The following TRPM6 variants were observed in gnomAD, a reference collection of about 807,000 sequenced individuals.
The protein encoded by TRPM6 is transient receptor potential cation channel subfamily M member 6, also known as channel kinase 2.
Under a neutral mutation model 247.6 loss-of-function variants are expected in TRPM6, and 111 were observed. That is an observed-to-expected ratio of 0.45 (90% CI 0.38 to 0.52). The LOEUF is 0.52. Among genes scored for constraint, TRPM6 ranks in the 20% least tolerant of loss-of-function variants. TRPM6 has a pLI of 0.00. For synonymous variants in TRPM6, 892 were observed against 853.8 expected (o/e 1.04, Z -0.78); for missense variants, 2,126 against 2,421.5 (o/e 0.88, Z 2.56).
chr9:74,884,104 G>T (rs1050176488), intron 1 of TRPM6, among the ~76,000 whole-genome samples: 4 of 152,136 alleles, frequency 2.6e-5, no homozygotes, highest in Non-Finnish European at 5.9e-5. Flanking sequence ...AGCCAAGATT[G>T]TGCCATTGCA....
chr9:74,880,102 G>A (rs1182233220), intron 1 of TRPM6, among the ~76,000 whole-genome samples: 1 of 152,044 alleles, frequency 6.6e-6, no homozygotes, highest in Admixed American at 6.6e-5. Flanking sequence ...TGTGCTGATT[G>A]TTGTGGTGTA....
Position 74,800,377 on chromosome 9 carries a change from C to G in TRPM6, c.2115G>C (p.Ser705=). Residue 705 remains serine, a synonymous_variant, in exon 17 of 39, where the codon TCG becomes TCC. Transcript: ENST00000360774. ...CCGACACGGCCAGTTTAAGGCAGGTCGAATTGCTCCAGTTCCTGAGTTCAT... is the reference window on the plus strand; with the variant it reads ...CCGACACGGCCAGTTTAAGGCAGGTGGAATTGCTCCAGTTCCTGAGTTCAT... ...LTYELRNWSN[S]TCLKLAVSGG... 2 of 1,613,942 alleles carry G rather than the reference C, an allele frequency of 1.2e-6. No individual in the cohort carries two copies. Among genetic ancestry groups the G allele is most frequent in the East Asian group, 4.5e-5 (2 of 44,856 alleles).
chr9:74,845,261 A>G (rs1223174935), intron 3 of TRPM6, among the ~76,000 whole-genome samples: 3 of 152,228 alleles, frequency 2.0e-5, no homozygotes, highest in Non-Finnish European at 4.4e-5. Context: ...TCCACATTAT[A>G]AAAAATGCAA....
At chr9:74,774,915 A>G (rs755279216) in intron 24 of TRPM6, among the ~76,000 whole-genome samples, 144 of 152,220 alleles carry the variant, frequency 9.5e-4, no homozygotes, top group Non-Finnish European at 7.8e-4. Context: ...TGAAGAAAAA[A>G]GGATTTCAGT....
intron 15 of TRPM6, among the ~76,000 whole-genome samples, chr9:74,802,670 T>G (rs1456241162): frequency 6.6e-6 from 1 of 152,220 alleles, no homozygotes; most frequent in Non-Finnish European, 1.5e-5. Flanking sequence ...ACTTAGCAAA[T>G]AGATTCATTA....
At chr9:74,763,725 C>T (rs1047641939) in intron 25 of TRPM6, among the ~76,000 whole-genome samples, 5 of 152,056 alleles carry the variant, frequency 3.3e-5, no homozygotes, top group African/African-American at 1.2e-4. Flanking sequence ...TCAGAAAAAG[C>T]CTAATGCAAA....
intron 1 of TRPM6, among the ~76,000 whole-genome samples, chr9:74,868,144 C>T (rs1049047378): frequency 3.6e-5 from 5 of 139,860 alleles, no homozygotes; most frequent in Non-Finnish European, 6.1e-5. Context: ...AGCGAGACTC[C>T]GCAAAAAAAA....
intron 38 of TRPM6, among the ~76,000 whole-genome samples, chr9:74,727,131 C>A (rs1181353220): frequency 6.6e-6 from 1 of 152,070 alleles, no homozygotes; most frequent in South Asian, 2.1e-4. Context: ...CCTGTAATCC[C>A]AGCACTTTGG....
In TRPM6 at chr9:74,827,942, C is replaced by G. The variant is rs1829398295; in HGVS notation, c.677G>C (p.Cys226Ser). 2 of 1,613,902 alleles carry G rather than the reference C, an allele frequency of 1.2e-6. No individual in the cohort carries two copies. The highest frequency in any genetic ancestry group is 1.7e-6 in the Non-Finnish European group (2 of 1,179,976). ...QRDLIGKDVVCLYQTLDNPLS... is the reference protein window; with the variant it reads ...QRDLIGKDVVSLYQTLDNPLS... Reference sequence around the variant, plus strand: ...GGGGTTATCCAGAGTCTGGTACAGGCACACCACCTGAGAGACAGCAAGGAC... The same window carrying G: ...GGGGTTATCCAGAGTCTGGTACAGGGACACCACCTGAGAGACAGCAAGGAC... Residue 226 changes from cysteine to serine, a missense_variant, in exon 7 of 39, where the codon TGC becomes TCC. By Grantham distance (112) the Cys-to-Ser change is moderately radical. Transcript: ENST00000360774.
At position 74,817,778 on chromosome 9, in the gene TRPM6, A is replaced by T. The variant is rs574147620; in HGVS notation, c.1135-814T>A. ...CACCTGTTATTAATGGCTATATCTC[A>T]GTCTTTTTAAATTAAAATACATTTC... is the stretch of plus-strand genomic sequence containing the variant. On this transcript the variant is annotated intron_variant, in intron 9 of 38. Transcript: ENST00000360774. Among the ~76,000 whole-genome samples the T allele has an allele frequency of 4.6e-5, 7 of 152,202 alleles. No individual in the cohort carries two copies. The South Asian group carries it at 8.3e-4, about 18-fold the overall frequency.
chr9:74,740,214 G>A (rs1825819988), intron 33 of TRPM6, among the ~76,000 whole-genome samples: 1 of 152,170 alleles, frequency 6.6e-6, no homozygotes. Flanking sequence ...GTGGGGAAGG[G>A]GAGAAGGGAC....
intron 19 of TRPM6, among the ~76,000 whole-genome samples, chr9:74,789,156 T>C (rs1306571602): frequency 6.6e-6 from 1 of 152,196 alleles, no homozygotes; most frequent in East Asian, 1.9e-4. Flanking sequence ...TAGATGCTTA[T>C]TTTCAAATAC....
At chr9:74,772,134 T>A (rs1260037394) in intron 24 of TRPM6, among the ~76,000 whole-genome samples, 1 of 151,880 alleles carries the variant, frequency 6.6e-6, no homozygotes, top group Non-Finnish European at 1.5e-5. Context: ...TACAAAAAAA[T>A]TTCAATATTA....
chr9:74,833,787 C>T (rs1829621805), intron 6 of TRPM6, among the ~76,000 whole-genome samples: 1 of 152,100 alleles, frequency 6.6e-6, no homozygotes, highest in Admixed American at 6.5e-5. Flanking sequence ...GAGATCATTC[C>T]AGGATTAGTC....
At chr9:74,747,347 T>A (rs1826083545) in intron 31 of TRPM6, among the ~76,000 whole-genome samples, 1 of 152,086 alleles carries the variant, frequency 6.6e-6, no homozygotes, top group Non-Finnish European at 1.5e-5. Context: ...CAAGAAAGTG[T>A]GATGGAACAA....
At chr9:74,763,929 A>ACT (rs1826740247) in intron 25 of TRPM6, among the ~76,000 whole-genome samples, 2 of 152,168 alleles carry the variant, frequency 1.3e-5, no homozygotes, top group Non-Finnish European at 2.9e-5. Flanking sequence ...CAGGTGGATC[A>ACT]CTTGAAGTCA....
intron 7 of TRPM6, among the ~76,000 whole-genome samples, chr9:74,824,605 G>A (rs1256388812): frequency 2.1e-5 from 3 of 144,738 alleles, no homozygotes; most frequent in African/African-American, 7.5e-5. Flanking sequence ...AATTCTTGCT[G>A]AGAAATCTCA....
At chr9:74,832,408 C>A (rs62569711) in intron 6 of TRPM6, among the ~76,000 whole-genome samples, 2 of 151,882 alleles carry the variant, frequency 1.3e-5, no homozygotes, top group African/African-American at 4.8e-5. Context: ...TTAAGAAACC[C>A]TGTTTTTGAA....
At chr9:74,838,209 G>A (rs576533531) in intron 5 of TRPM6, among the ~76,000 whole-genome samples, 6 of 152,262 alleles carry the variant, frequency 3.9e-5, no homozygotes, top group African/African-American at 7.2e-5. Flanking sequence ...AATGAAGCAC[G>A]ACATGCAGTT....
Sources: allele counts gnomAD v4.1 joint callset (sites outside exome capture counted in the v4.1 genomes callset), GRCh38; gene constraint gnomAD v4.1.1; transcripts MANE v1.5; gene names NCBI Gene and HGNC (gene_info 2026-07-23, HGNC 2026-07-21).